The following MAST4 variants were observed in gnomAD, a reference collection of about 807,000 sequenced individuals.
MAST4 encodes the protein microtubule associated serine/threonine kinase family member 4, also known as microtubule-associated serine/threonine-protein kinase 4.
MAST4 carries 89 observed loss-of-function variants against 162.7 expected under a neutral mutation model. That is an observed-to-expected ratio of 0.55 (90% CI 0.46 to 0.65). The LOEUF (loss-of-function observed/expected upper bound fraction) is 0.65, where lower values mean the gene tolerates loss of function less well. MAST4 is among the 30% of genes least tolerant of loss of function. The pLI is 0.00. For missense variants in MAST4, 3,153 were observed against 3,374.0 expected, an observed-to-expected ratio of 0.93 and a Z score of 1.62; for synonymous variants, 1,479 against 1,361.1, an observed-to-expected ratio of 1.09 and a Z score of -1.91.
At chr5:66,647,827 T>C (rs889367165) in intron 1 of MAST4, among the ~76,000 whole-genome samples, 2 of 152,142 alleles carry the variant, frequency 1.3e-5, no homozygotes, top group Non-Finnish European at 2.9e-5. Context: ...ATGCCTCTAC[T>C]CTTATTGCCT....
chr5:67,087,512 G>A (rs929978165), intron 5 of MAST4, among the ~76,000 whole-genome samples: 3 of 152,160 alleles, frequency 2.0e-5, no homozygotes, highest in African/African-American at 7.2e-5. Context: ...CAGAGAAACT[G>A]TCTCGATTGC....
intron 4 of MAST4, among the ~76,000 whole-genome samples, chr5:67,015,889 A>G (rs1753230243): frequency 6.6e-6 from 1 of 152,202 alleles, no homozygotes; most frequent in South Asian, 2.1e-4. Flanking sequence ...TGATAACCTG[A>G]TAACCTAGTT....
intron 1 of MAST4, chr5:66,662,541 G>A (rs1259307687): frequency 3.3e-5 from 5 of 152,146 alleles, no homozygotes; most frequent in Non-Finnish European, 7.4e-5. Context: ...ATGCTTAAGA[G>A]CACTTAATAT....
intron 1 of MAST4, among the ~76,000 whole-genome samples, chr5:66,745,807 C>G (rs902623602): frequency 1.3e-5 from 2 of 152,126 alleles, no homozygotes; most frequent in African/African-American, 4.8e-5. Flanking sequence ...TTTCTGTTTT[C>G]TAGCTTTAAC....
intron 4 of MAST4, among the ~76,000 whole-genome samples, chr5:67,016,423 A>G (rs897839903): frequency 6.6e-6 from 1 of 152,218 alleles, no homozygotes; most frequent in African/African-American, 2.4e-5. Flanking sequence ...TTTTAATTTT[A>G]TAGGACAGTA....
intron 1 of MAST4, among the ~76,000 whole-genome samples, chr5:66,637,185 G>GT: frequency 6.6e-6 from 1 of 150,508 alleles, no homozygotes; most frequent in African/African-American, 2.4e-5. Flanking sequence ...ATTTTGTATT[G>GT]TATAGATACA....
At chr5:67,104,599 T>C (rs1339466920) in intron 10 of MAST4, 24 bp downstream of exon 10, 9 of 1,589,470 alleles carry the variant, frequency 5.7e-6, no homozygotes, top group Non-Finnish European at 7.7e-6. Context: ...ACCATATAGT[T>C]TTCTGATTTA....
chr5:66,938,498 A>G (rs571442422), intron 4 of MAST4, among the ~76,000 whole-genome samples: 1 of 152,198 alleles, frequency 6.6e-6, no homozygotes, highest in Non-Finnish European at 1.5e-5. Context: ...TACAATGGTA[A>G]TGATTGTGTT....
chr5:67,093,972 A>G (rs1384270765), intron 6 of MAST4, among the ~76,000 whole-genome samples: 1 of 152,226 alleles, frequency 6.6e-6, no homozygotes, highest in Non-Finnish European at 1.5e-5. Flanking sequence ...ATAATCAAGT[A>G]TCTTTGTAAG....
chr5:66,685,547 G>GA (rs543363668), intron 1 of MAST4, among the ~76,000 whole-genome samples: 158 of 147,926 alleles, frequency 1.1e-3, no homozygotes, highest in African/African-American at 3.4e-3. Context: ...AATAAGGAAA[G>GA]AAAAAAAAAA....
chr5:66,955,843 A>C (rs1012146939), intron 4 of MAST4, among the ~76,000 whole-genome samples: 7 of 152,220 alleles, frequency 4.6e-5, no homozygotes, highest in African/African-American at 1.7e-4. Context: ...AAGTGTGTAC[A>C]TACACAATAT....
intron 4 of MAST4, among the ~76,000 whole-genome samples, chr5:67,016,947 C>G (rs1255803225): frequency 2.6e-5 from 4 of 152,140 alleles, no homozygotes; most frequent in Admixed American, 1.3e-4. Flanking sequence ...CAGAAAATAT[C>G]TGTTGGGAGA....
intron 4 of MAST4, among the ~76,000 whole-genome samples, chr5:66,965,401 AG>A (rs984691096): frequency 6.6e-6 from 1 of 151,930 alleles, no homozygotes; most frequent in African/African-American, 2.4e-5. Flanking sequence ...TAAAGGCAAT[AG>A]GCTATTCAAT....
intron 1 of MAST4, among the ~76,000 whole-genome samples, chr5:66,728,552 A>G (rs1297644818): frequency 6.6e-6 from 1 of 152,158 alleles, no homozygotes; most frequent in Non-Finnish European, 1.5e-5. Context: ...TCTAATGACT[A>G]AAAAAATTTT....
chr5:66,662,095 CTTA>C (rs750369930), intron 1 of MAST4, among the ~76,000 whole-genome samples: 32 of 150,932 alleles, frequency 2.1e-4, no homozygotes, highest in Non-Finnish European at 3.5e-4. Context: ...TTAATGAGCA[CTTA>C]TTATCAGCCA....
At chr5:66,873,982 T>C (rs768600061) in intron 3 of MAST4, among the ~76,000 whole-genome samples, 28 of 152,210 alleles carry the variant, frequency 1.8e-4, no homozygotes, top group Non-Finnish European at 3.2e-4. Context: ...CTCAAGGAGT[T>C]GGCTTTTTTT....
intron 1 of MAST4, among the ~76,000 whole-genome samples, chr5:66,747,093 G>T (rs868234670): frequency 1.5e-5 from 2 of 136,104 alleles, no homozygotes; most frequent in Admixed American, 7.6e-5. Flanking sequence ...GTGTGCATGC[G>T]CATGGTGTGT....
intron 1 of MAST4, among the ~76,000 whole-genome samples, chr5:66,600,039 G>A (rs1190770359): frequency 1.3e-5 from 2 of 152,036 alleles, no homozygotes; most frequent in Admixed American, 1.3e-4. Flanking sequence ...TGTTAAAACT[G>A]TTTTGAATGT....
At chr5:67,139,262 A>T (rs942918673) in intron 19 of MAST4, among the ~76,000 whole-genome samples, 9 of 152,238 alleles carry the variant, frequency 5.9e-5, no homozygotes, top group African/African-American at 2.2e-4. Context: ...GGGCAAAATA[A>T]TGCACCGTGA....
Sources: allele counts gnomAD v4.1 joint callset (sites outside exome capture counted in the v4.1 genomes callset), GRCh38; gene constraint gnomAD v4.1.1; transcripts MANE v1.5; gene names NCBI Gene and HGNC (gene_info 2026-07-23, HGNC 2026-07-21).